Variants in RIMS1 observed in about 807,000 individuals in gnomAD.
The protein encoded by RIMS1 is regulating synaptic membrane exocytosis protein 1.
Under a neutral mutation model 214.1 loss-of-function variants are expected in RIMS1, and 83 were observed. The observed-to-expected ratio is 0.39, with a 90% CI of 0.32 to 0.47. The LOEUF (loss-of-function observed/expected upper bound fraction) is 0.47, where lower values mean the gene tolerates loss of function less well. Among genes scored for constraint, RIMS1 ranks in the 20% least tolerant of loss-of-function variants. RIMS1 has a pLI of 0.99. For synonymous variants in RIMS1, 793 were observed against 786.8 expected (o/e 1.01, Z -0.13); for missense variants, 2,050 against 2,161.8 (o/e 0.95, Z 1.03).
At chr6:72,317,006 C>G (rs1487534322) in intron 28 of RIMS1, 8 of 530,470 alleles carry the variant, frequency 1.5e-5, no homozygotes, top group Non-Finnish European at 2.2e-5. Context: ...TGGGAAGCCT[C>G]CCCCTCCATT....
chr6:71,932,135 C>T (rs1013190780), intron 1 of RIMS1, among the ~76,000 whole-genome samples: 1 of 151,934 alleles, frequency 6.6e-6, no homozygotes, highest in African/African-American at 2.4e-5. Flanking sequence ...GTGTATATAC[C>T]CAAAGGAATA....
At chr6:72,140,597 G>T (rs1454181206) in intron 4 of RIMS1, among the ~76,000 whole-genome samples, 2 of 151,926 alleles carry the variant, frequency 1.3e-5, no homozygotes, top group Non-Finnish European at 2.9e-5. Context: ...TTTGTATTTT[G>T]TCTGAGTGTG....
chr6:72,387,157 C>T (rs1228557065), intron 29 of RIMS1, among the ~76,000 whole-genome samples: 1 of 151,048 alleles, frequency 6.6e-6, no homozygotes, highest in Non-Finnish European at 1.5e-5. Flanking sequence ...ATAGATGCTC[C>T]ATAAATATTT....
At chr6:72,101,513 T>C (rs2033577711) in intron 4 of RIMS1, among the ~76,000 whole-genome samples, 1 of 152,004 alleles carries the variant, frequency 6.6e-6, no homozygotes, top group Non-Finnish European at 1.5e-5. Context: ...AAATACTTTA[T>C]TGCCAGTTCT....
chr6:71,968,700 C>A lies in RIMS1; in HGVS notation c.165-283C>A, dbSNP rs552683925. On this transcript the variant is annotated intron_variant, in intron 1 of 33. Transcript: ENST00000521978. ...ATGGTCATGCCAAAGCTTTCAGTAG[C>A]TTTTCTGCTATGGGAAAAGCTGCTG... is the stretch of plus-strand genomic sequence containing the variant. 2.6e-5 allele frequency among the ~76,000 whole-genome samples: 4 copies of A among 152,310 alleles called. No individual in the cohort carries two copies. In the East Asian group the frequency reaches 5.8e-4, roughly 22 times the overall value.
intron 4 of RIMS1, among the ~76,000 whole-genome samples, chr6:72,178,135 T>C (rs1265435167): frequency 4.6e-5 from 7 of 152,206 alleles, no homozygotes. Context: ...TCTAAATAAA[T>C]CAATTAACCT....
At chr6:72,210,930 A>G (rs764997760) in intron 6 of RIMS1, among the ~76,000 whole-genome samples, 5 of 152,192 alleles carry the variant, frequency 3.3e-5, no homozygotes, top group Non-Finnish European at 5.9e-5. Flanking sequence ...AAATTGGAAG[A>G]AATAACAGAA....
intron 25 of RIMS1, 89 bp from the exon 26 acceptor site, chr6:72,291,845 A>C: frequency 1.0e-6 from 1 of 953,240 alleles, no homozygotes. Context: ...GTTTATGTCT[A>C]TTTTAATCGT....
At chr6:71,966,854 T>A (rs549483012) in intron 1 of RIMS1, among the ~76,000 whole-genome samples, 2 of 152,340 alleles carry the variant, frequency 1.3e-5, no homozygotes, top group African/African-American at 4.8e-5. Flanking sequence ...AAAAAATGTT[T>A]GCTTACAAAC....
intron 19 of RIMS1, 105 bp downstream of exon 19, chr6:72,260,872 A>C: frequency 6.5e-7 from 1 of 1,540,526 alleles, no homozygotes; most frequent in South Asian, 1.2e-5. Context: ...CAAGTCAAAT[A>C]AATTTCCCAA....
chr6:72,252,069 G>A (rs919044892), intron 15 of RIMS1, among the ~76,000 whole-genome samples: 1 of 152,062 alleles, frequency 6.6e-6, no homozygotes, highest in African/African-American at 2.4e-5. Flanking sequence ...ATATTAGAAG[G>A]TATGTTTATT....
chr6:72,026,908 A>G (rs976135888), intron 2 of RIMS1, among the ~76,000 whole-genome samples: 1 of 152,218 alleles, frequency 6.6e-6, no homozygotes, highest in Non-Finnish European at 1.5e-5. Flanking sequence ...TCTAATTCAA[A>G]TAAAAAGTGT....
intron 6 of RIMS1, among the ~76,000 whole-genome samples, chr6:72,232,165 T>C (rs771749301): frequency 6.6e-6 from 1 of 151,678 alleles, no homozygotes; most frequent in African/African-American, 2.4e-5. Flanking sequence ...TCTCAGTGTT[T>C]CTATTAATTT....
chr6:72,182,380 G>GAA lies in RIMS1; in HGVS notation c.909_910insAA (p.Ala304LysfsTer59). The GAA allele has an allele frequency of 6.2e-7, 1 of 1,613,938 alleles. No individual in the cohort carries two copies. Among genetic ancestry groups the GAA allele is most frequent in the Non-Finnish European group, 8.5e-7 (1 of 1,179,884 alleles). On this transcript the variant is annotated frameshift_variant, in exon 6 of 34. Transcript: ENST00000521978. LOFTEE classifies it high-confidence loss of function. Reference sequence around the variant, plus strand: ...AGACCTCAGCGCAGCCCGTGGAGGGGGCCGTCGAAGAACGGGAGCGCAAAG... The same window carrying GAA: ...AGACCTCAGCGCAGCCCGTGGAGGGGAAGCCGTCGAAGAACGGGAGCGCAAAG...
intron 6 of RIMS1, among the ~76,000 whole-genome samples, chr6:72,224,126 G>A (rs1190551946): frequency 6.6e-6 from 1 of 152,138 alleles, no homozygotes; most frequent in Non-Finnish European, 1.5e-5. Context: ...ACCTGATATA[G>A]TAATGATAAA....
chr6:72,387,880 A>G (rs1487987058), intron 29 of RIMS1, among the ~76,000 whole-genome samples: 1 of 152,242 alleles, frequency 6.6e-6, no homozygotes, highest in Admixed American at 6.5e-5. Context: ...TAGCCCATCA[A>G]TAAAGAGATG....
At chr6:72,118,308 A>T in intron 4 of RIMS1, among the ~76,000 whole-genome samples, 1 of 148,704 alleles carries the variant, frequency 6.7e-6, no homozygotes, top group South Asian at 2.1e-4. Context: ...TCCCCCTGTT[A>T]TTTTTTTTTT....
At chr6:72,092,086 T>G (rs576999305) in intron 2 of RIMS1, among the ~76,000 whole-genome samples, 1 of 152,306 alleles carries the variant, frequency 6.6e-6, no homozygotes, top group Non-Finnish European at 1.5e-5. Context: ...AGGCACATTT[T>G]ATTATGAGGA....
intron 29 of RIMS1, chr6:72,366,820 C>T: frequency 1.0e-6 from 1 of 985,578 alleles, no homozygotes; most frequent in Non-Finnish European, 1.2e-6. Context: ...CAGTTTTCCC[C>T]AGAGAACAAT....
Sources: allele counts gnomAD v4.1 joint callset (sites outside exome capture counted in the v4.1 genomes callset), GRCh38; gene constraint gnomAD v4.1.1; transcripts MANE v1.5; gene names NCBI Gene and HGNC (gene_info 2026-07-23, HGNC 2026-07-21).